Variants in PPRC1 observed in about 807,000 individuals in gnomAD.
PPRC1 encodes the protein peroxisome proliferator-activated receptor gamma coactivator-related protein 1.
A neutral mutation model predicts 132.5 loss-of-function variants in PPRC1; 23 were observed. The observed-to-expected ratio is 0.17, with a 90% CI of 0.12 to 0.25. The LOEUF is 0.25. Ranked by LOEUF, PPRC1 falls within the 10% of genes least tolerant of loss-of-function variation. PPRC1 has a pLI of 1.00. For synonymous variants in PPRC1, 872 were observed against 833.5 expected, an observed-to-expected ratio of 1.05 and a Z score of -0.80; for missense variants, 2,006 against 2,089.1, an observed-to-expected ratio of 0.96 and a Z score of 0.78.
rs553036653 is a variant in PPRC1 at position 102,141,333 on chromosome 10, C to T, written c.2825C>T (p.Thr942Met). ...TATCCTTGCCTGCCCCCCCCACCAA[C>T]GGTGCCCCTAGTGTCTGGTACTCCT... ...SGYPCLPPPP[T>M]VPLVSGTPGA... The change falls in exon 5 of 14, where the codon ACG becomes ATG. Residue 942 changes from threonine to methionine, a missense_variant. Thr to Met is a moderately conservative substitution (Grantham distance 81). This residue lies in a region of PPRC1 where 1,914 missense variants were observed against 1,917.2 expected (regional missense o/e 1.00). Coordinates refer to ENST00000278070, the MANE Select transcript of PPRC1 (RefSeq NM_015062.5). The T allele has an allele frequency of 2.1e-5, 34 of 1,614,064 alleles. No individual in the cohort carries two copies. Among genetic ancestry groups the T allele is most frequent in the South Asian group, 1.6e-4 (15 of 91,090 alleles).
At chr10:102,137,056 C>T (rs572991362) in intron 1 of PPRC1, among the ~76,000 whole-genome samples, 3 of 152,170 alleles carry the variant, frequency 2.0e-5, no homozygotes, top group South Asian at 2.1e-4. Context: ...AAATAAGTGT[C>T]GGCCGGGCGT....
In PPRC1 at chr10:102,139,714, G is replaced by A. The variant is rs1346350523; in HGVS notation, c.1206G>A (p.Val402=). The A allele has an allele frequency of 5.0e-6, 8 of 1,614,076 alleles. No individual in the cohort carries two copies. Among genetic ancestry groups the A allele is most frequent in the Non-Finnish European group, 6.8e-6 (8 of 1,180,046 alleles). ...PTLESETEAA[V]PKVTLCSEKE... Reference sequence around the variant, plus strand: ...TGGAGTCAGAGACAGAGGCTGCTGTGCCCAAGGTAACCCTCTGCTCTGAGA... The same window carrying A: ...TGGAGTCAGAGACAGAGGCTGCTGTACCCAAGGTAACCCTCTGCTCTGAGA... Residue 402 remains valine (V), a synonymous_variant, in exon 5 of 14, where the codon GTG becomes GTA. Coordinates refer to ENST00000278070, the MANE Select transcript of PPRC1 (RefSeq NM_015062.5).
At position 102,143,037 on chromosome 10, in the gene PPRC1, C is replaced by T; in HGVS notation, c.3497-8C>T. 2 of 1,611,802 alleles carry T rather than the reference C, an allele frequency of 1.2e-6. No homozygotes were observed. The highest frequency in any genetic ancestry group is 1.7e-6 in the Non-Finnish European group (2 of 1,178,216). Reference sequence around the variant, plus strand: ...TCGTTTTCAATCCTGTGTTGTGTGCCTCCACAGGAATTGAGGCATCGGACC... The same window carrying T: ...TCGTTTTCAATCCTGTGTTGTGTGCTTCCACAGGAATTGAGGCATCGGACC... On this transcript the variant is annotated splice_polypyrimidine_tract_variant and splice_region_variant and intron_variant, in intron 5 of 13. Transcript: ENST00000278070.
At chr10:102,129,855 C>T (rs535698363), upstream of PPRC1, among the ~76,000 whole-genome samples, 4 of 152,114 alleles carry the variant, frequency 2.6e-5, no homozygotes, top group Non-Finnish European at 5.9e-5. Context: ...CCGCCTGCCT[C>T]GGCCTCCCAA....
At chr10:102,131,168 C>T (rs1228531752), upstream of PPRC1, among the ~76,000 whole-genome samples, 2 of 143,980 alleles carry the variant, frequency 1.4e-5, no homozygotes, top group South Asian at 4.4e-4. Flanking sequence ...GCACTCCAGC[C>T]TGGTGACAGA....
In PPRC1 at chr10:102,148,200, G is replaced by A. The variant is rs1340817987; in HGVS notation, c.4401-172G>A. Among the ~76,000 whole-genome samples the A allele has an allele frequency of 1.3e-5, 2 of 152,170 alleles. No homozygotes were observed. Among genetic ancestry groups the A allele is most frequent in the African/African-American group, 4.8e-5 (2 of 41,432 alleles). ...CCAGGTACACCTAAAGTTCCATGAAGGGCCTCAGTTTGTTCATCTCTGAAT... is the reference window on the plus strand; with the variant it reads ...CCAGGTACACCTAAAGTTCCATGAAAGGCCTCAGTTTGTTCATCTCTGAAT... On this transcript the variant is annotated intron_variant, in intron 9 of 13. Coordinates refer to ENST00000278070, the MANE Select transcript of PPRC1 (RefSeq NM_015062.5). This position sits in a 1 kb window ranked among gnomAD's most constrained non-coding sequence, Gnocchi z 4.2.
In PPRC1 at chr10:102,141,964, G is replaced by A. The variant is rs2069003735; in HGVS notation, c.3456G>A (p.Gln1152=). Residue 1152 remains glutamine, a synonymous_variant, in exon 5 of 14, where the codon CAG becomes CAA. Transcript: ENST00000278070. ...CCTTCCTGCCTACCCCACGTACTCAGGGTTCTGAAGATGTGGTACAGGCTT... is the reference window on the plus strand; with the variant it reads ...CCTTCCTGCCTACCCCACGTACTCAAGGTTCTGAAGATGTGGTACAGGCTT... The part of the protein sequence containing the change: ...KLSFLPTPRT[Q]GSEDVVQAFI... 2 of 1,613,554 alleles carry A rather than the reference G, an allele frequency of 1.2e-6. No individual in the cohort carries two copies. The highest frequency in any genetic ancestry group is 1.3e-5 in the African/African-American group (1 of 74,914).
At chr10:102,121,653 C>G in the PPRC1 span, among the ~76,000 whole-genome samples, 1 of 152,044 alleles carries the variant, frequency 6.6e-6, no homozygotes, top group South Asian at 2.1e-4. Flanking sequence ...GAGAGTTGAC[C>G]CCCTCCCTCC....
At position 102,140,521 on chromosome 10, in the gene PPRC1, T is replaced by C. The variant is rs377601566; in HGVS notation, c.2013T>C (p.Val671=). The C allele has an allele frequency of 2.4e-5, 38 of 1,614,136 alleles. No individual in the cohort carries two copies. In the African/African-American group the frequency reaches 4.8e-4, roughly 20 times the overall value. The change falls in exon 5 of 14, where the codon GTT becomes GTC. Residue 671 remains valine, a synonymous_variant. Coordinates refer to ENST00000278070, the MANE Select transcript of PPRC1 (RefSeq NM_015062.5). The part of the protein sequence containing the change: ...SGPAPVDLAL[V]DPVPNDLTPV... ...CAGCACCAGTTGATCTAGCACTGGT[T>C]GACCCTGTTCCTAATGACCTGACTC...
Position 102,140,936 on chromosome 10 carries a change from A to G in PPRC1, c.2428A>G (p.Ser810Gly). ...APAKKTALQR[S>G]PETPLEICLV... ...AGCCAAGAAGACAGCTCTGCAGAGA[A>G]GCCCTGAAACACCCCTTGAGATTTG... Residue 810 changes from serine to glycine, a missense_variant, in exon 5 of 14, where the codon AGC (serine) becomes GGC (glycine). Coordinates refer to ENST00000278070, the MANE Select transcript of PPRC1 (RefSeq NM_015062.5). The G allele has an allele frequency of 1.2e-6, 2 of 1,613,990 alleles. No individual in the cohort carries two copies. Among genetic ancestry groups the G allele is most frequent in the East Asian group, 4.5e-5 (2 of 44,874 alleles).
intron 8 of PPRC1, among the ~76,000 whole-genome samples, chr10:102,146,340 A>G (rs2069244204): frequency 6.6e-6 from 1 of 152,198 alleles, no homozygotes; most frequent in South Asian, 2.1e-4. Context: ...GCATGAGTGC[A>G]GGAAAGATGC....
the PPRC1 span, among the ~76,000 whole-genome samples, chr10:102,127,021 A>T: frequency 0.22 from 838 of 3,814 alleles, 27 homozygotes; most frequent in Middle Eastern, 0.33. Context: ...GTTTTTTATC[A>T]TATATATATA....
chr10:102,128,805 G>A (rs1052479473), upstream of PPRC1, among the ~76,000 whole-genome samples: 31 of 150,742 alleles, frequency 2.1e-4, 2 homozygotes, highest in Admixed American at 3.3e-4. Flanking sequence ...TGGTAGAGAC[G>A]GGGTTTCACC....
Position 102,150,145 on chromosome 10 carries a change from T to C in PPRC1, c.*116T>C, listed in dbSNP as rs1017321136. On this transcript the variant is annotated 3_prime_UTR_variant, in exon 14 of 14. Coordinates refer to ENST00000278070, the MANE Select transcript of PPRC1 (RefSeq NM_015062.5). The stretch of plus-strand genomic sequence containing the variant: ...GTGAGATGACTGTTTTATAAAGAAA[T>C]GGAAAAAAGTGAAATAAAAAATATG... The C allele has an allele frequency of 8.7e-6, 6 of 686,864 alleles. No homozygotes were observed. The highest frequency in any genetic ancestry group is 1.5e-5 in the Non-Finnish European group (6 of 405,168). The allele number at this position is 686,864 out of a possible 1,614,324, so 42.5% of individuals were successfully genotyped here. A position where few individuals can be genotyped will look rare whatever the true frequency, so the allele number is the denominator to read the frequency against.
At chr10:102,122,061 A>G in the PPRC1 span, among the ~76,000 whole-genome samples, 3 of 152,036 alleles carry the variant, frequency 2.0e-5, no homozygotes, top group African/African-American at 7.3e-5. Context: ...GAGCTTGTAC[A>G]CTGTGGAGTC....
chr10:102,147,175 C>G lies in PPRC1; in HGVS notation c.4183C>G (p.Pro1395Ala). 1.9e-6 allele frequency: 3 copies of G among 1,614,190 alleles called. No individual in the cohort carries two copies. Among genetic ancestry groups the G allele is most frequent in the Non-Finnish European group, 2.5e-6 (3 of 1,180,040 alleles). ...CATGAACACTAGGACTCCCCCTGAA[C>G]CCTCAGCCAAGCAGCGGTCAATGCG... ...NDMNTRTPPE[P>A]SAKQRSMRCY... The change falls in exon 9 of 14, where the codon CCC (proline) becomes GCC (alanine). Residue 1395 changes from proline (P) to alanine (A), a missense_variant. Transcript: ENST00000278070.
Position 102,147,374 on chromosome 10 carries a change from C to A in PPRC1, c.4382C>A (p.Pro1461Gln), listed in dbSNP as rs199649208. 2.6e-5 allele frequency: 42 copies of A among 1,605,570 alleles called. No homozygotes were observed. The highest frequency in any genetic ancestry group is 1.2e-4 in the South Asian group (11 of 91,042). Residue 1461 changes from proline (P) to glutamine (Q), a missense_variant, in exon 9 of 14, where the codon CCA becomes CAA. Transcript: ENST00000278070. ...TCTCGGTCCAGGTCCCTCTCCCCCCCACACAAGAGGTGGCGAAGGTGAGCT... is the reference window on the plus strand; with the variant it reads ...TCTCGGTCCAGGTCCCTCTCCCCCCAACACAAGAGGTGGCGAAGGTGAGCT... Reference protein sequence around the residue: ...SRSRSRSLSPPHKRWRRSSCS... With the variant: ...SRSRSRSLSPQHKRWRRSSCS...
chr10:102,140,445 T>C lies in PPRC1; in HGVS notation c.1937T>C (p.Val646Ala), dbSNP rs780126093. ...LADSAAVDPA[V>A]VPISDNLPPV... ...GACTCAGCAGCAGTTGACCCTGCAG[T>C]GGTTCCCATCTCAGATAACTTGCCA... Residue 646 changes from valine (V) to alanine (A), a missense_variant, in exon 5 of 14, where the codon GTG (valine) becomes GCG (alanine). Coordinates refer to ENST00000278070, the MANE Select transcript of PPRC1 (RefSeq NM_015062.5). 1 of 1,614,184 alleles carries C rather than the reference T, an allele frequency of 6.2e-7. No homozygotes were observed. Among genetic ancestry groups the C allele is most frequent in the East Asian group, 2.2e-5 (1 of 44,878 alleles).
the PPRC1 span, among the ~76,000 whole-genome samples, chr10:102,126,929 A>G: frequency 6.6e-6 from 1 of 151,086 alleles, no homozygotes; most frequent in Non-Finnish European, 1.5e-5. Flanking sequence ...TATGTAAGAA[A>G]TTCCCAGGAA....
Sources: gnomAD v4.1 joint callset for allele counts (sites outside exome capture counted in the v4.1 genomes callset) on GRCh38, gnomAD v4.1.1 for gene constraint, gnomAD v4.1.1 regional missense constraint, Gnocchi (gnomAD v3.1) non-coding constraint, MANE v1.5 for transcripts, NCBI Gene and HGNC (gene_info 2026-07-23, HGNC 2026-07-21) for gene names.